The following PDE11A variants were observed in gnomAD, a reference collection of about 807,000 sequenced individuals.
The protein encoded by PDE11A is phosphodiesterase 11A.
PDE11A carries 100 observed loss-of-function variants against 100.5 expected under a neutral mutation model. That is an observed-to-expected ratio of 1.00 (90% CI 0.85 to 1.18). The LOEUF (loss-of-function observed/expected upper bound fraction) is 1.18. Ranked by LOEUF, PDE11A falls within the 50% of genes most tolerant of loss-of-function variation. The probability of loss-of-function intolerance (pLI) is 0.00; values close to 1 mark genes in which losing one functional copy is unlikely to be tolerated. For missense variants in PDE11A, 1,141 were observed against 1,152.6 expected (o/e 0.99, Z 0.15); for synonymous variants, 381 against 420.8 (o/e 0.91, Z 1.16).
At chr2:178,023,178 G>A (rs1488224970) in intron 1 of PDE11A, among the ~76,000 whole-genome samples, 1 of 152,100 alleles carries the variant, frequency 6.6e-6, no homozygotes, top group African/African-American at 2.4e-5. Flanking sequence ...AGTTGAATGT[G>A]GTGCCATGAA....
chr2:178,039,197 C>T (rs964536561), intron 1 of PDE11A, among the ~76,000 whole-genome samples: 1 of 152,148 alleles, frequency 6.6e-6, no homozygotes, highest in Non-Finnish European at 1.5e-5. Context: ...ACTATGCAGC[C>T]ATAAAAAGAA....
chr2:177,750,145 A>C (rs1384431119), intron 10 of PDE11A, among the ~76,000 whole-genome samples: 2 of 152,156 alleles, frequency 1.3e-5, no homozygotes, highest in Non-Finnish European at 2.9e-5. Flanking sequence ...GTTCGGTTTT[A>C]TTTCCACCTC....
chr2:177,803,469 A>T (rs112095338), intron 9 of PDE11A, among the ~76,000 whole-genome samples: 8 of 151,868 alleles, frequency 5.3e-5, no homozygotes, highest in African/African-American at 1.9e-4. Context: ...AGTATAACCC[A>T]GATACCAAAG....
At chr2:178,066,606 T>C (rs1219757423) in intron 1 of PDE11A, among the ~76,000 whole-genome samples, 1 of 152,108 alleles carries the variant, frequency 6.6e-6, no homozygotes, top group Non-Finnish European at 1.5e-5. Context: ...TCACATGGGC[T>C]GAGGGAGAGG....
chr2:177,688,177 A>G (rs2080983944), intron 15 of PDE11A: 1 of 152,244 alleles, frequency 6.6e-6, no homozygotes, highest in African/African-American at 2.4e-5. Flanking sequence ...AGGCTGCTGT[A>G]CCAAGGCAAT....
chr2:178,048,463 C>T (rs935442487), intron 1 of PDE11A, among the ~76,000 whole-genome samples: 1 of 152,124 alleles, frequency 6.6e-6, no homozygotes, highest in Admixed American at 6.5e-5. Flanking sequence ...TGAGGAGAGA[C>T]TTCCCTTAAC....
At chr2:177,993,313 C>A (rs2086026884) in intron 2 of PDE11A, among the ~76,000 whole-genome samples, 1 of 151,922 alleles carries the variant, frequency 6.6e-6, no homozygotes, top group Non-Finnish European at 1.5e-5. Flanking sequence ...CAACCTGGAG[C>A]AAATAATTTA....
At chr2:178,064,096 A>G (rs2087008233) in intron 1 of PDE11A, among the ~76,000 whole-genome samples, 1 of 152,250 alleles carries the variant, frequency 6.6e-6, no homozygotes, top group African/African-American at 2.4e-5. Flanking sequence ...ACTATGGGGT[A>G]GACATGTCTG....
chr2:178,076,287 T>C (rs918946497), upstream of PDE11A, among the ~76,000 whole-genome samples: 1 of 152,228 alleles, frequency 6.6e-6, no homozygotes, highest in East Asian at 1.9e-4. Flanking sequence ...TTTTCAAGAA[T>C]GAGGAGTTCC....
At chr2:177,771,566 C>T in intron 9 of PDE11A, among the ~76,000 whole-genome samples, 1 of 152,132 alleles carries the variant, frequency 6.6e-6, no homozygotes, top group East Asian at 1.9e-4. Flanking sequence ...GCATCTCCTG[C>T]TTAACGTAGA....
chr2:177,660,053 T>C (rs371703133), intron 19 of PDE11A, among the ~76,000 whole-genome samples: 4 of 10,330 alleles, frequency 3.9e-4, no homozygotes, highest in Non-Finnish European at 8.8e-4. Context: ...CTTTCTTTCT[T>C]TCTTTCTTTC....
chr2:178,101,741 G>A (rs553465821), intron 2 of PDE11A, among the ~76,000 whole-genome samples: 6 of 152,184 alleles, frequency 3.9e-5, no homozygotes, highest in Non-Finnish European at 7.4e-5. Context: ...AGGTTTTAGA[G>A]GTTCCTTGCC....
At chr2:177,979,152 C>T (rs1408794306) in intron 2 of PDE11A, among the ~76,000 whole-genome samples, 2 of 150,134 alleles carry the variant, frequency 1.3e-5, no homozygotes, top group Non-Finnish European at 3.0e-5. Context: ...TCCCCCTTTC[C>T]CCAACCCCTT....
intron 2 of PDE11A, among the ~76,000 whole-genome samples, chr2:177,972,649 G>A (rs2085786687): frequency 6.6e-6 from 1 of 152,156 alleles, no homozygotes; most frequent in South Asian, 2.1e-4. Flanking sequence ...AGAAAAAAAA[G>A]CTATAAAGAA....
intron 16 of PDE11A, chr2:177,676,053 C>T (rs753879895): frequency 2.5e-5 from 5 of 201,246 alleles, no homozygotes; most frequent in Non-Finnish European, 5.2e-5. Context: ...TCATTTCACT[C>T]CAGTTTACTA....
chr2:178,067,876 C>G (rs1208978741), intron 1 of PDE11A, among the ~76,000 whole-genome samples: 2 of 152,148 alleles, frequency 1.3e-5, no homozygotes, highest in Non-Finnish European at 2.9e-5. Flanking sequence ...ACAGATCAGG[C>G]CTTCTGAAAG....
At chr2:178,036,090 G>C (rs990397709) in intron 1 of PDE11A, among the ~76,000 whole-genome samples, 2 of 152,182 alleles carry the variant, frequency 1.3e-5, no homozygotes, top group Non-Finnish European at 2.9e-5. Context: ...AATTGTCTCT[G>C]TTTGCAGATG....
intron 4 of PDE11A, among the ~76,000 whole-genome samples, chr2:177,893,993 T>A (rs374134312): frequency 9.8e-5 from 15 of 152,292 alleles, no homozygotes; most frequent in African/African-American, 3.6e-4. Flanking sequence ...CTTGGACTAG[T>A]TTTTATGGTG....
At chr2:177,931,716 C>T (rs2695754) in intron 2 of PDE11A, among the ~76,000 whole-genome samples, 53,316 of 151,702 alleles carry the variant, frequency 0.35, 11,108 homozygotes, top group East Asian at 0.53. Flanking sequence ...CTCAAATTAA[C>T]GATCTGACAT....
Sources: allele counts gnomAD v4.1 joint callset (sites outside exome capture counted in the v4.1 genomes callset), GRCh38; gene constraint gnomAD v4.1.1; transcripts MANE v1.5; gene names NCBI Gene and HGNC (gene_info 2026-07-23, HGNC 2026-07-21).